The following SLCO1A2 variants were observed in gnomAD, a reference collection of about 807,000 sequenced individuals.
SLCO1A2 encodes the protein OATP-1.
Under a neutral mutation model 69.0 loss-of-function variants are expected in SLCO1A2, and 67 were observed. The ratio of observed to expected loss-of-function variants is 0.97; its 90% CI spans 0.80 to 1.19. SLCO1A2 has a LOEUF of 1.19. SLCO1A2 is among the 50% of genes most tolerant of loss of function. The pLI, the probability that SLCO1A2 is intolerant of heterozygous loss-of-function variation, is 0.00. For synonymous variants in SLCO1A2, 260 were observed against 265.9 expected, an observed-to-expected ratio of 0.98 and a Z score of 0.22; for missense variants, 787 against 793.7, an observed-to-expected ratio of 0.99 and a Z score of 0.10.
At chr12:21,347,970 G>A (rs1953330612) in intron 2 of SLCO1A2, among the ~76,000 whole-genome samples, 1 of 152,120 alleles carries the variant, frequency 6.6e-6, no homozygotes, top group Non-Finnish European at 1.5e-5. Context: ...GTGACTTCCA[G>A]CCAAACCATT....
At chr12:21,279,498 C>A (rs2035070410) in intron 12 of SLCO1A2, among the ~76,000 whole-genome samples, 1 of 151,976 alleles carries the variant, frequency 6.6e-6, no homozygotes, top group Admixed American at 6.6e-5. Flanking sequence ...GCCAATACAA[C>A]TGGCAGCAGA....
intron 1 of SLCO1A2, among the ~76,000 whole-genome samples, chr12:21,411,449 T>C (rs1941905561): frequency 6.6e-6 from 1 of 152,196 alleles, no homozygotes; most frequent in Non-Finnish European, 1.5e-5. Context: ...CTGGGCTCAT[T>C]CTATTACACT....
At chr12:21,331,620 G>A (rs1334961094) in intron 2 of SLCO1A2, among the ~76,000 whole-genome samples, 2 of 127,098 alleles carry the variant, frequency 1.6e-5, no homozygotes, top group Non-Finnish European at 1.7e-5. Context: ...GAATCGCTGA[G>A]ATAAAAAAAA....
intron 2 of SLCO1A2, among the ~76,000 whole-genome samples, chr12:21,359,701 C>T (rs1389517274): frequency 5.3e-5 from 8 of 150,752 alleles, no homozygotes; most frequent in Admixed American, 2.0e-4. Flanking sequence ...GAGCCGAGAT[C>T]GTGCCACTGC....
chr12:21,367,327 A>G (rs1355106392), intron 2 of SLCO1A2, among the ~76,000 whole-genome samples: 1 of 152,170 alleles, frequency 6.6e-6, no homozygotes, highest in Admixed American at 6.5e-5. Flanking sequence ...AGAAAACTAG[A>G]ACAGTATTTT....
At chr12:21,398,245 C>T (rs1197476006), upstream of SLCO1A2, among the ~76,000 whole-genome samples, 3 of 150,596 alleles carry the variant, frequency 2.0e-5, no homozygotes, top group Non-Finnish European at 3.0e-5. Context: ...ACTACAAACA[C>T]CTCTACGCAA....
rs1319657596 is a variant in SLCO1A2, at chr12:21,268,787, G to A, written c.*761C>T. The A allele has an allele frequency of 1.3e-5, 2 of 151,862 alleles. No homozygotes were observed. The highest frequency in any genetic ancestry group is 2.9e-5 in the Non-Finnish European group (2 of 67,912). 9.4% of individuals were successfully genotyped at this position (151,862 alleles called of 1,614,324 possible). A position where few individuals can be genotyped will look rare whatever the true frequency, so the allele number is the denominator to read the frequency against. On this transcript the variant is annotated 3_prime_UTR_variant, in exon 15 of 15. Transcript: ENST00000683939. The stretch of plus-strand genomic sequence containing the variant: ...ACATTACAAACAGCCTTTAAGAACT[G>A]GAGTTTTTATAATATTGTCCTTTCA...
chr12:21,325,311 G>A (rs537871706), intron 2 of SLCO1A2, among the ~76,000 whole-genome samples: 86 of 151,772 alleles, frequency 5.7e-4, no homozygotes, highest in African/African-American at 2.0e-3. Context: ...AAGATATTTA[G>A]GTGAAGAAGT....
At chr12:21,381,257 A>C (rs765800932) in intron 1 of SLCO1A2, among the ~76,000 whole-genome samples, 2 of 152,166 alleles carry the variant, frequency 1.3e-5, no homozygotes, top group Non-Finnish European at 2.9e-5. Context: ...AATATTTGCA[A>C]ACTACCCATC....
intron 2 of SLCO1A2, among the ~76,000 whole-genome samples, chr12:21,350,835 C>CA (rs11454466): frequency 0.48 from 19,521 of 40,446 alleles, 8,309 homozygotes; most frequent in East Asian, 0.61. Flanking sequence ...GACTCTGTCT[C>CA]AAAAAAAAAA....
rs1025787817 is a variant in SLCO1A2, at chr12:21,382,344, G to T, written c.-189-7819C>A. Reference sequence around the variant, plus strand: ...GAGATTCAGAAGCGGGAGGGTGAGAGGGGGCCAGGAATAAAGAACCATCAG... The same window carrying T: ...GAGATTCAGAAGCGGGAGGGTGAGATGGGGCCAGGAATAAAGAACCATCAG... On this transcript the variant is annotated intron_variant, in intron 1 of 15. Transcript: ENST00000307378. Among the ~76,000 whole-genome samples the T allele has an allele frequency of 6.6e-5, 10 of 152,200 alleles. No homozygotes were observed. The East Asian group carries it at 1.9e-3, about 29-fold the overall frequency.
rs963974369 is a variant in SLCO1A2, at chr12:21,267,183, G to C, written c.*2365C>G. Reference sequence around the variant, plus strand: ...TCTCCCACCAAGAAGTGTCAAAGGAGAACCCTATGTTTTCAGAGTAAAATG... The same window carrying C: ...TCTCCCACCAAGAAGTGTCAAAGGACAACCCTATGTTTTCAGAGTAAAATG... On this transcript the variant is annotated 3_prime_UTR_variant, in exon 15 of 15. Coordinates refer to ENST00000683939, the MANE Select transcript of SLCO1A2 (RefSeq NM_001386879.1). 2 of 151,984 alleles carry C rather than the reference G, an allele frequency of 1.3e-5. No individual in the cohort carries two copies. The highest frequency in any genetic ancestry group is 4.8e-5 in the African/African-American group (2 of 41,366). 9.4% of individuals were successfully genotyped at this position (151,984 alleles called of 1,614,324 possible). A position where few individuals can be genotyped will look rare whatever the true frequency, so the allele number is the denominator to read the frequency against.
chr12:21,339,636 T>C (rs778189580), upstream of SLCO1A2, among the ~76,000 whole-genome samples: 4 of 151,914 alleles, frequency 2.6e-5, no homozygotes, highest in Non-Finnish European at 5.9e-5. Context: ...ATTGTGGGAT[T>C]GTGGGCAACT....
Position 21,409,377 on chromosome 12 carries a change from C to G in SLCO1A2, c.-312+8505G>C, listed in dbSNP as rs1047528737. 2.6e-5 allele frequency among the ~76,000 whole-genome samples: 4 copies of G among 152,262 alleles called. No homozygotes were observed. In the East Asian group the frequency reaches 7.7e-4, roughly 29 times the overall value. On this transcript the variant is annotated intron_variant, in intron 1 of 4. Coordinates refer to the SLCO1A2 transcript ENST00000413682. The stretch of plus-strand genomic sequence containing the variant: ...CTGTGGGTAGAATCTGGCCTGCCAC[C>G]TGATTTTGTAATTAGAGTTTTTACT...
At chr12:21,327,602 A>G (rs944741877) in intron 2 of SLCO1A2, among the ~76,000 whole-genome samples, 2 of 152,192 alleles carry the variant, frequency 1.3e-5, no homozygotes, top group African/African-American at 2.4e-5. Flanking sequence ...ACACGCAGTC[A>G]AAGGAGATCA....
At chr12:21,364,731 C>T (rs1939231016) in intron 2 of SLCO1A2, among the ~76,000 whole-genome samples, 3 of 152,190 alleles carry the variant, frequency 2.0e-5, no homozygotes, top group Admixed American at 2.0e-4. Flanking sequence ...GCAAAATTCA[C>T]AAGCATTCCT....
At position 21,275,898 on chromosome 12, in the gene SLCO1A2, C is replaced by T. The variant is rs572465803; in HGVS notation, c.1611-474G>A. ...CAGAGGTTGCAATGAGCTGAAATTG[C>T]GCCACTGCACTCCAGCCTGGGTGAT... On this transcript the variant is annotated intron_variant, in intron 12 of 14. Transcript: ENST00000683939. Among the ~76,000 whole-genome samples the T allele has an allele frequency of 7.9e-4, 120 of 151,780 alleles. 1 individual carries two copies. Among genetic ancestry groups the T allele is most frequent in the African/African-American group, 2.6e-3 (108 of 41,378 alleles).
At chr12:21,396,659 C>A (rs954258664), upstream of SLCO1A2, among the ~76,000 whole-genome samples, 11 of 152,290 alleles carry the variant, frequency 7.2e-5, no homozygotes, top group African/African-American at 2.2e-4. Context: ...GCCCATCAGA[C>A]TAAAAGTGGA....
At chr12:21,270,552 A>G (rs1942621456) in intron 14 of SLCO1A2, among the ~76,000 whole-genome samples, 1 of 151,772 alleles carries the variant, frequency 6.6e-6, no homozygotes, top group African/African-American at 2.4e-5. Flanking sequence ...AATAACTTGC[A>G]TAATTTACAA....
Sources: gnomAD v4.1 joint callset for allele counts (sites outside exome capture counted in the v4.1 genomes callset) on GRCh38, gnomAD v4.1.1 for gene constraint, MANE v1.5 for transcripts, NCBI Gene and HGNC (gene_info 2026-07-23, HGNC 2026-07-21) for gene names.